The following NRG3 variants were observed in gnomAD, a reference collection of about 807,000 sequenced individuals.
NRG3 encodes the protein pro-neuregulin-3, membrane-bound isoform.
A neutral mutation model predicts 66.9 loss-of-function variants in NRG3; 31 were observed. The observed-to-expected ratio is 0.46, with a 90% confidence interval of 0.35 to 0.63. The LOEUF is 0.63. Among genes scored for constraint, NRG3 ranks in the 20% least tolerant of loss-of-function variants. NRG3 has a pLI of 0.00. For synonymous variants in NRG3, 393 were observed against 359.4 expected (o/e 1.09, Z -1.06); for missense variants, 910 against 878.9 (o/e 1.04, Z -0.45).
chr10:82,117,707 A>C (rs1313393462), intron 1 of NRG3, among the ~76,000 whole-genome samples: 1 of 152,110 alleles, frequency 6.6e-6, no homozygotes, highest in Non-Finnish European at 1.5e-5. Context: ...GGAAACGTTG[A>C]AATCACAACC....
chr10:82,676,866 T>C (rs1565192700), intron 2 of NRG3, among the ~76,000 whole-genome samples: 2 of 152,052 alleles, frequency 1.3e-5, no homozygotes, highest in South Asian at 4.1e-4. Context: ...TTGGAGTTGC[T>C]TTTAAGGGGA....
At chr10:82,623,257 G>A (rs1158110487) in intron 2 of NRG3, among the ~76,000 whole-genome samples, 1 of 152,124 alleles carries the variant, frequency 6.6e-6, no homozygotes, top group Non-Finnish European at 1.5e-5. Context: ...TGAAGCTGAG[G>A]TGGTAACAGC....
intron 2 of NRG3, among the ~76,000 whole-genome samples, chr10:82,717,059 A>G (rs2057015290): frequency 6.6e-6 from 1 of 152,202 alleles, no homozygotes; most frequent in Non-Finnish European, 1.5e-5. Flanking sequence ...AATGTGAGCT[A>G]AACATCAAAC....
At chr10:82,105,837 C>T (rs906616983) in intron 1 of NRG3, among the ~76,000 whole-genome samples, 2 of 152,076 alleles carry the variant, frequency 1.3e-5, no homozygotes, top group Non-Finnish European at 2.9e-5. Context: ...GAAATAGAAA[C>T]ATCCAGAATT....
chr10:82,320,203 A>G (rs2081494399), intron 1 of NRG3, among the ~76,000 whole-genome samples: 2 of 152,172 alleles, frequency 1.3e-5, no homozygotes, highest in African/African-American at 4.8e-5. Context: ...AGATGTGCCA[A>G]TATGTTTACT....
At chr10:82,555,449 C>G (rs1230253715) in intron 2 of NRG3, among the ~76,000 whole-genome samples, 2 of 152,138 alleles carry the variant, frequency 1.3e-5, no homozygotes, top group Non-Finnish European at 2.9e-5. Flanking sequence ...CATTTTTATA[C>G]TGTAAAGAAA....
At position 82,841,720 on chromosome 10, in the gene NRG3, C is replaced by A. The variant is rs1323054230; in HGVS notation, c.1028-23691C>A. ...AAAGTCAACCAATTGTAGATGTTAACCATATCTCCAAAATTCTGTCACAGC... is the reference window on the plus strand; with the variant it reads ...AAAGTCAACCAATTGTAGATGTTAAACATATCTCCAAAATTCTGTCACAGC... On this transcript the variant is annotated intron_variant, in intron 3 of 8. Coordinates refer to ENST00000372141, the MANE Select transcript of NRG3 (RefSeq NM_001010848.4). 2.0e-5 allele frequency among the ~76,000 whole-genome samples: 3 copies of A among 152,278 alleles called. No homozygotes were observed. The East Asian group carries it at 5.8e-4, about 29-fold the overall frequency.
intron 3 of NRG3, among the ~76,000 whole-genome samples, chr10:82,762,298 A>G: frequency 6.6e-6 from 1 of 151,990 alleles, no homozygotes; most frequent in East Asian, 1.9e-4. Flanking sequence ...ACAAATAGAA[A>G]TTTTCCAATT....
intron 1 of NRG3, among the ~76,000 whole-genome samples, chr10:82,259,714 GC>G (rs2077919850): frequency 1.3e-5 from 2 of 152,268 alleles, no homozygotes; most frequent in South Asian, 4.1e-4. Context: ...GATTGCATCA[GC>G]CCCGGAGTTT....
chr10:82,072,935 A>C (rs2064889154), intron 1 of NRG3, among the ~76,000 whole-genome samples: 3 of 151,788 alleles, frequency 2.0e-5, no homozygotes, highest in Non-Finnish European at 4.4e-5. Context: ...ACCAGTGACC[A>C]GTTAATTTTT....
chr10:81,899,789 G>A (rs866230462), intron 1 of NRG3, among the ~76,000 whole-genome samples: 1 of 152,080 alleles, frequency 6.6e-6, no homozygotes, highest in South Asian at 2.1e-4. Context: ...GTAAACACTC[G>A]GGCGAAGTCT....
At chr10:82,855,578 T>C (rs2063762897) in intron 3 of NRG3, among the ~76,000 whole-genome samples, 1 of 152,032 alleles carries the variant, frequency 6.6e-6, no homozygotes, top group African/African-American at 2.4e-5. Flanking sequence ...TCGTATTTTT[T>C]GTAGAAATGG....
intron 1 of NRG3, among the ~76,000 whole-genome samples, chr10:82,044,722 C>A (rs1174351544): frequency 2.6e-5 from 4 of 151,922 alleles, no homozygotes; most frequent in Non-Finnish European, 1.5e-5. Context: ...GCTATCCCTC[C>A]CTGCTCTCCC....
intron 1 of NRG3, among the ~76,000 whole-genome samples, chr10:82,098,338 A>T (rs1564560165): frequency 6.6e-6 from 1 of 151,672 alleles, no homozygotes; most frequent in Non-Finnish European, 1.5e-5. Flanking sequence ...TATATGACAT[A>T]TATATAGATG....
intron 1 of NRG3, among the ~76,000 whole-genome samples, chr10:82,060,688 T>C (rs534944883): frequency 8.5e-5 from 13 of 152,336 alleles, no homozygotes; most frequent in Admixed American, 7.2e-4. Context: ...TTTCCTGATG[T>C]CTGTATGGAT....
intron 2 of NRG3, among the ~76,000 whole-genome samples, chr10:82,410,224 G>A (rs2087953413): frequency 6.6e-6 from 1 of 152,006 alleles, no homozygotes; most frequent in Admixed American, 6.6e-5. Flanking sequence ...GGGCGTGGTG[G>A]CTCACGCCTG....
intron 2 of NRG3, among the ~76,000 whole-genome samples, chr10:82,379,776 G>A (rs1230482963): frequency 6.6e-6 from 1 of 151,762 alleles, no homozygotes; most frequent in Non-Finnish European, 1.5e-5. Flanking sequence ...AAAACCAGTG[G>A]TTTGGCATAA....
chr10:82,485,996 A>T (rs1359343287), intron 2 of NRG3, among the ~76,000 whole-genome samples: 1 of 152,366 alleles, frequency 6.6e-6, no homozygotes, highest in South Asian at 2.1e-4. Context: ...GGACTTGAAT[A>T]GACATTTCTT....
At chr10:82,172,300 T>TC (rs1590404308) in intron 1 of NRG3, among the ~76,000 whole-genome samples, 1 of 152,108 alleles carries the variant, frequency 6.6e-6, no homozygotes, top group East Asian at 1.9e-4. Context: ...AACCGTGTTG[T>TC]CTAAAAGGCT....
Sources: allele counts gnomAD v4.1 joint callset (sites outside exome capture counted in the v4.1 genomes callset), GRCh38; gene constraint gnomAD v4.1.1; transcripts MANE v1.5; gene names NCBI Gene and HGNC (gene_info 2026-07-23, HGNC 2026-07-21).